The following STIM1 variants were observed in gnomAD, a reference collection of about 807,000 sequenced individuals.
The protein encoded by STIM1 is stromal interaction molecule 1.
STIM1 carries 25 observed loss-of-function variants against 74.7 expected under a neutral mutation model. The ratio of observed to expected loss-of-function variants is 0.33; its 90% CI spans 0.24 to 0.47. The LOEUF (loss-of-function observed/expected upper bound fraction) is 0.47. Ranked by LOEUF, STIM1 falls within the 20% of genes least tolerant of loss-of-function variation. The pLI, the probability that STIM1 is intolerant of heterozygous loss-of-function variation, is 1.00. For missense variants in STIM1, 728 were observed against 920.8 expected (o/e 0.79, Z 2.71); for synonymous variants, 328 against 348.8 (o/e 0.94, Z 0.66).
intron 1 of STIM1, among the ~76,000 whole-genome samples, chr11:3,879,558 T>A (rs542826444): frequency 6.6e-6 from 1 of 152,358 alleles, no homozygotes; most frequent in African/African-American, 2.4e-5. Context: ...TTAAGACCTG[T>A]CTTTTTGCTT....
At chr11:4,000,075 A>G (rs975563822) in intron 2 of STIM1, among the ~76,000 whole-genome samples, 2 of 152,054 alleles carry the variant, frequency 1.3e-5, no homozygotes, top group African/African-American at 4.8e-5. Flanking sequence ...TAAACAAAGC[A>G]GCCGGGAAGC....
At chr11:3,938,825 T>C (rs994732999) in intron 1 of STIM1, among the ~76,000 whole-genome samples, 1 of 152,112 alleles carries the variant, frequency 6.6e-6, no homozygotes, top group Non-Finnish European at 1.5e-5. Flanking sequence ...CCAGCCTGGG[T>C]GACAGGGCAC....
At chr11:4,024,615 G>T (rs2093984093) in intron 3 of STIM1, among the ~76,000 whole-genome samples, 1 of 152,172 alleles carries the variant, frequency 6.6e-6, no homozygotes, top group South Asian at 2.1e-4. Flanking sequence ...CTCCAAGTGT[G>T]ATTTTATCAT....
chr11:3,959,238 C>T (rs577231715), intron 1 of STIM1, among the ~76,000 whole-genome samples: 4 of 152,196 alleles, frequency 2.6e-5, no homozygotes, highest in East Asian at 1.9e-4. Flanking sequence ...TGATGGGGCC[C>T]CTGCTGGTAA....
chr11:4,048,089 G>T (rs186301940), intron 3 of STIM1, among the ~76,000 whole-genome samples: 35 of 152,256 alleles, frequency 2.3e-4, no homozygotes, highest in African/African-American at 7.7e-4. Context: ...AAAGTGTTGG[G>T]ATTACAGGTG....
intron 12 of STIM1, among the ~76,000 whole-genome samples, chr11:4,089,535 C>G (rs1292304268): frequency 1.3e-5 from 2 of 152,150 alleles, no homozygotes; most frequent in African/African-American, 2.4e-5. Flanking sequence ...ATATATGAAA[C>G]CAAATATGAG....
chr11:3,877,187 G>A (rs1229587587), intron 1 of STIM1, among the ~76,000 whole-genome samples: 1 of 152,066 alleles, frequency 6.6e-6, no homozygotes, highest in African/African-American at 2.4e-5. Flanking sequence ...GCTACCTGGG[G>A]GAGTCTAGAC....
rs761967924 is a variant in STIM1, at chr11:4,083,291, T to C, written c.1267T>C (p.Leu423=). 2 of 1,614,228 alleles carry C rather than the reference T, an allele frequency of 1.2e-6. No homozygotes were observed. Among genetic ancestry groups the C allele is most frequent in the Non-Finnish European group, 8.5e-7 (1 of 1,180,036 alleles). The change falls in exon 10 of 13, where the codon TTG becomes CTG. Residue 423 remains leucine (L), a synonymous_variant. Transcript: ENST00000526596. ...KQALSEVTAA[L]RERLHRWQQI... The stretch of plus-strand genomic sequence containing the variant: ...AGCACTGAGCGAGGTGACAGCAGCA[T>C]TGCGGGAGCGCCTGCACCGCTGGCA...
intron 1 of STIM1, among the ~76,000 whole-genome samples, chr11:3,939,252 G>T (rs781668053): frequency 1.1e-4 from 17 of 152,170 alleles, no homozygotes; most frequent in Non-Finnish European, 2.4e-4. Flanking sequence ...GAGGAGAGAG[G>T]TGTGACTTCT....
chr11:3,889,502 G>C (rs1014433848), intron 1 of STIM1, among the ~76,000 whole-genome samples: 2 of 151,668 alleles, frequency 1.3e-5, no homozygotes, highest in East Asian at 3.9e-4. Flanking sequence ...AGAGTAGCTG[G>C]GATTACAGGC....
chr11:3,989,642 AAAG>A (rs1482674978), intron 2 of STIM1, among the ~76,000 whole-genome samples: 2 of 152,258 alleles, frequency 1.3e-5, no homozygotes, highest in African/African-American at 4.8e-5. Flanking sequence ...GGGGAAAGCT[AAAG>A]AAGAATTTCA....
Position 4,084,741 on chromosome 11 carries a change from G to A in STIM1, c.1543G>A (p.Asp515Asn). The stretch of plus-strand genomic sequence containing the variant: ...CTGCTCTACATCCGCCGGCTCGGAT[G>A]ATCAGTCCCTCTGGAAATACCCCGG... ...SLCSTSAGSD[D>N]QSLWKYPAPS... The change falls in exon 11 of 13, where the codon GAT (aspartate) becomes AAT (asparagine). Residue 515 changes from aspartate to asparagine, a missense_variant. Physicochemically the swap from Asp to Asn is conservative, Grantham distance 23. Around this residue, in one of 5 missense-constraint regions of STIM1, gnomAD observed 352 missense variants for 370.1 expected, o/e 0.95. Transcript: ENST00000526596. 7.8e-7 allele frequency: 1 copy of A among 1,289,402 alleles called. No individual in the cohort carries two copies. Among genetic ancestry groups the A allele is most frequent in the Non-Finnish European group, 1.0e-6 (1 of 988,870 alleles). 79.9% of individuals were successfully genotyped at this position (1,289,402 alleles called of 1,614,324 possible). A position where few individuals can be genotyped will look rare whatever the true frequency, so the allele number is the denominator to read the frequency against.
chr11:3,888,950 T>A (rs2091815417), intron 1 of STIM1, among the ~76,000 whole-genome samples: 1 of 151,732 alleles, frequency 6.6e-6, no homozygotes, highest in Admixed American at 6.6e-5. Context: ...GGGGTGGAGC[T>A]CTGTAAATGT....
chr11:3,970,813 C>T (rs1453837803), intron 2 of STIM1, among the ~76,000 whole-genome samples: 1 of 151,904 alleles, frequency 6.6e-6, no homozygotes, highest in East Asian at 1.9e-4. Flanking sequence ...GCTTGATATA[C>T]GTGAAGTAAT....
intron 12 of STIM1, among the ~76,000 whole-genome samples, chr11:4,087,106 C>A (rs1030596765): frequency 5.9e-5 from 9 of 152,176 alleles, no homozygotes; most frequent in Admixed American, 2.0e-4. Context: ...CCCTATAGCA[C>A]TTTTGCCTAA....
intron 1 of STIM1, among the ~76,000 whole-genome samples, chr11:3,915,040 T>G (rs1011533371): frequency 6.6e-5 from 10 of 152,210 alleles, no homozygotes; most frequent in African/African-American, 1.9e-4. Flanking sequence ...TCTCATGTGC[T>G]TATTGGCCAT....
At position 3,910,818 on chromosome 11, in the gene STIM1, TA is replaced by T. The variant is rs1172492077; in HGVS notation, c.139+54428del. On this transcript the variant is annotated intron_variant, in intron 1 of 12. Coordinates refer to ENST00000526596, the MANE Select transcript of STIM1 (RefSeq NM_001382567.1). The stretch of plus-strand genomic sequence containing the variant: ...AACATGGTGAAACCCCTGTCTCTAC[TA>T]AAAAAAAAAAAAAAAAAATATCCGG... 6.2e-3 allele frequency among the ~76,000 whole-genome samples: 786 copies of T among 126,466 alleles called. 4 individuals carry two copies. The highest frequency in any genetic ancestry group is 0.033 in the East Asian group (144 of 4,394). The allele number at this position is 126,466 out of a possible 152,430, so 83.0% of individuals were successfully genotyped here. A position where few individuals can be genotyped will look rare whatever the true frequency, so the allele number is the denominator to read the frequency against.
intron 2 of STIM1, among the ~76,000 whole-genome samples, chr11:4,016,913 G>A (rs753990530): frequency 3.9e-5 from 6 of 152,248 alleles, no homozygotes; most frequent in African/African-American, 9.6e-5. Flanking sequence ...TGCCAGTTGC[G>A]AAGACCGTGG....
chr11:3,888,740 C>T (rs1196425250), intron 1 of STIM1, among the ~76,000 whole-genome samples: 8 of 151,870 alleles, frequency 5.3e-5, no homozygotes, highest in South Asian at 2.1e-4. Context: ...TTAGTAGAGA[C>T]GGGGTTTCAC....
Sources: gnomAD v4.1 joint callset for allele counts (sites outside exome capture counted in the v4.1 genomes callset) on GRCh38, gnomAD v4.1.1 for gene constraint, gnomAD v4.1.1 regional missense constraint, MANE v1.5 for transcripts, NCBI Gene and HGNC (gene_info 2026-07-23, HGNC 2026-07-21) for gene names.